Variants in NCOR2 observed in about 807,000 individuals in gnomAD.
NCOR2 encodes the protein nuclear receptor corepressor 2, also known as CTG repeat protein 26.
Under a neutral mutation model 262.9 loss-of-function variants are expected in NCOR2, and 81 were observed. The ratio of observed to expected loss-of-function variants is 0.31; its 90% CI spans 0.26 to 0.37. The LOEUF is 0.37. NCOR2 is among the 10% of genes least tolerant of loss of function. The pLI is 1.00. For missense variants in NCOR2, 3,385 were observed against 3,621.4 expected (o/e 0.93, Z 1.68); for synonymous variants, 1,659 against 1,559.3 (o/e 1.06, Z -1.51).
intron 4 of NCOR2, among the ~76,000 whole-genome samples, chr12:124,471,910 T>A (rs142802825): frequency 6.6e-6 from 1 of 152,250 alleles, no homozygotes; most frequent in Admixed American, 6.5e-5. Context: ...ATTTTTGACT[T>A]TGCAGGCCAC....
intron 13 of NCOR2, among the ~76,000 whole-genome samples, chr12:124,406,531 G>A (rs1022878071): frequency 1.3e-5 from 2 of 152,202 alleles, no homozygotes; most frequent in African/African-American, 2.4e-5. Flanking sequence ...CCCTCAACGT[G>A]AGGGGACTGA....
chr12:124,329,094 G>C (rs777489617), intron 44 of NCOR2: 2 of 470,318 alleles, frequency 4.3e-6, no homozygotes, highest in Admixed American at 4.7e-5. Context: ...TTATAAAGGT[G>C]AAGTCTGACA....
At chr12:124,413,161 G>A (rs2042677602) in intron 13 of NCOR2, among the ~76,000 whole-genome samples, 1 of 152,114 alleles carries the variant, frequency 6.6e-6, no homozygotes, top group African/African-American at 2.4e-5. Context: ...CTTGGTCCTG[G>A]GCCATGCACC....
intron 1 of NCOR2, among the ~76,000 whole-genome samples, chr12:124,511,542 G>A (rs1407251140): frequency 2.0e-5 from 3 of 152,228 alleles, no homozygotes; most frequent in Non-Finnish European, 4.4e-5. Context: ...GCAAAGCCGG[G>A]GTAGAATCCG....
Position 124,400,490 on chromosome 12 carries a change from C to T in NCOR2, c.1813+11G>A, listed in dbSNP as rs754226013. 1.2e-6 allele frequency: 2 copies of T among 1,608,812 alleles called. No individual in the cohort carries two copies. The highest frequency in any genetic ancestry group is 4.5e-5 in the East Asian group (2 of 44,720). ...CCCCTTCCCCACCCGCATCCCTGGC[C>T]CCCAGCTCACCCAGCTCGGCGCTCT... On this transcript the variant is annotated intron_variant, in intron 15 of 46. Transcript: ENST00000405201.
At chr12:124,372,778 A>C (rs910877659) in intron 19 of NCOR2, among the ~76,000 whole-genome samples, 168 bp from the exon 22 acceptor site, 4 of 151,960 alleles carry the variant, frequency 2.6e-5, no homozygotes, top group Admixed American at 6.6e-5. Flanking sequence ...CCTGAGACAA[A>C]GCCCCTGACC....
chr12:124,409,696 C>T (rs538596418), intron 13 of NCOR2, among the ~76,000 whole-genome samples: 20 of 151,784 alleles, frequency 1.3e-4, no homozygotes, highest in East Asian at 7.8e-4. Flanking sequence ...TTTTTTTGGA[C>T]GCAGGGTCTT....
intron 13 of NCOR2, among the ~76,000 whole-genome samples, chr12:124,418,560 C>T (rs151064146): frequency 0.011 from 1,692 of 152,348 alleles, 42 homozygotes; most frequent in African/African-American, 0.037. Flanking sequence ...TCTCCAGGCA[C>T]AGTCCAACCA....
At chr12:124,495,417 G>T, upstream of NCOR2, 1 of 1,351,222 alleles carries the variant, frequency 7.4e-7, no homozygotes, top group Non-Finnish European at 9.8e-7. The surrounding 1 kb of genome is among the most constrained non-coding windows in gnomAD (Gnocchi z 4.4). Flanking sequence ...GGGGCAGCTG[G>T]CTCCTCCGTG....
At position 124,335,613 on chromosome 12, in the gene NCOR2, G is replaced by T; in HGVS notation, c.6135C>A (p.Tyr2045Ter). 1 of 1,604,182 alleles carries T rather than the reference G, an allele frequency of 6.2e-7. No individual in the cohort carries two copies. ...TGACGGGCTCCACCCCTTCGGGGCT[G>T]TAGCTGCTGCCGTGGTAACCTAGGG... is the stretch of plus-strand genomic sequence containing the variant. The change falls in exon 39 of 47, where the codon TAC becomes TAA. Residue 2045 changes from tyrosine to a stop codon, truncating the protein, a stop_gained. Transcript: ENST00000405201. LOFTEE classifies it high-confidence loss of function.
chr12:124,389,090 A>G lies in NCOR2; in HGVS notation c.1877-3203T>C. Reference sequence around the variant, plus strand: ...GGGTGGTGGGTGGCGGGAAGTTGTCAGTGGTGCGTGTGGGATGCCCCTGGG... The same window carrying G: ...GGGTGGTGGGTGGCGGGAAGTTGTCGGTGGTGCGTGTGGGATGCCCCTGGG... On this transcript the variant is annotated intron_variant, in intron 16 of 46. Coordinates refer to ENST00000405201, the Ensembl canonical transcript of NCOR2. This position sits in a 1 kb window ranked among gnomAD's most constrained non-coding sequence, Gnocchi z 4.4. Among the ~76,000 whole-genome samples, 1 of 152,156 alleles carries G rather than the reference A, an allele frequency of 6.6e-6. No individual in the cohort carries two copies. The highest frequency in any genetic ancestry group is 1.9e-4 in the East Asian group (1 of 5,190).
intron 20 of NCOR2, among the ~76,000 whole-genome samples, chr12:124,371,681 T>G (rs1309888179): frequency 2.6e-5 from 4 of 152,146 alleles, no homozygotes; most frequent in African/African-American, 7.2e-5. Context: ...AGGACTGTAT[T>G]TGTTAAAAGC....
At chr12:124,393,798 C>T in intron 16 of NCOR2, among the ~76,000 whole-genome samples, 1 of 152,274 alleles carries the variant, frequency 6.6e-6, no homozygotes, top group East Asian at 1.9e-4. Context: ...GCACCTGCCT[C>T]CTAGTCAGGT....
At chr12:124,356,578 C>T in intron 23 of NCOR2, 64 bp downstream of exon 25, 2 of 1,324,132 alleles carry the variant, frequency 1.5e-6, no homozygotes, top group South Asian at 2.3e-5. Flanking sequence ...TGAGCCAGTG[C>T]AAACAGTGCA....
intron 19 of NCOR2, among the ~76,000 whole-genome samples, chr12:124,372,914 C>T (rs2039616598): frequency 6.6e-6 from 1 of 152,150 alleles, no homozygotes; most frequent in South Asian, 2.1e-4. Context: ...CAGATGGAGC[C>T]AGCCTGAGGG....
chr12:124,431,409 C>CAG (rs2043919783), intron 8 of NCOR2, among the ~76,000 whole-genome samples: 1 of 142,510 alleles, frequency 7.0e-6, no homozygotes, highest in Non-Finnish European at 1.5e-5. Context: ...GATACACAGG[C>CAG]AGACAGACAG....
intron 16 of NCOR2, among the ~76,000 whole-genome samples, chr12:124,392,304 GA>G (rs1207157403): frequency 6.6e-6 from 1 of 152,200 alleles, no homozygotes; most frequent in African/African-American, 2.4e-5. Context: ...AGTTCCTGCA[GA>G]AACCCCAATT....
chr12:124,390,299 C>G (rs2041200106), intron 16 of NCOR2, among the ~76,000 whole-genome samples: 1 of 152,210 alleles, frequency 6.6e-6, no homozygotes, highest in South Asian at 2.1e-4. Context: ...CCCTTAGGAG[C>G]CAGCTCCATG....
chr12:124,473,585 T>A (rs573997743), intron 3 of NCOR2, among the ~76,000 whole-genome samples: 1 of 149,602 alleles, frequency 6.7e-6, no homozygotes, highest in Non-Finnish European at 1.5e-5. Context: ...CTTTATGTAA[T>A]ATATATATAT....
Sources: gnomAD v4.1 joint callset for allele counts (sites outside exome capture counted in the v4.1 genomes callset) on GRCh38, gnomAD v4.1.1 for gene constraint, Gnocchi (gnomAD v3.1) non-coding constraint, MANE v1.5 for transcripts, NCBI Gene and HGNC (gene_info 2026-07-23, HGNC 2026-07-21) for gene names.